DDX19B: variants seen among roughly 807,000 people sequenced by gnomAD.
The protein encoded by DDX19B is DEAD-box helicase 19B, also known as ATP-dependent RNA helicase DDX19B.
Under a neutral mutation model 58.1 loss-of-function variants are expected in DDX19B, and 27 were observed. That is an observed-to-expected ratio of 0.46 (90% confidence interval 0.34 to 0.64). The LOEUF is 0.64. Ranked by LOEUF, DDX19B falls within the 30% of genes least tolerant of loss-of-function variation. The probability of loss-of-function intolerance (pLI) is 0.01; values close to 1 mark genes in which losing one functional copy is unlikely to be tolerated. For synonymous variants in DDX19B, 187 were observed against 214.4 expected (o/e 0.87, Z 1.12); for missense variants, 399 against 596.5 (o/e 0.67, Z 3.45).
upstream of DDX19B, among the ~76,000 whole-genome samples, chr16:70,295,602 G>A (rs1961189316): frequency 6.6e-6 from 1 of 152,020 alleles, no homozygotes; most frequent in African/African-American, 2.4e-5. Flanking sequence ...ATGAGTATAC[G>A]GAGATTATCA....
At chr16:70,312,275 A>G (rs1962133598) in intron 1 of DDX19B, among the ~76,000 whole-genome samples, 1 of 152,170 alleles carries the variant, frequency 6.6e-6, no homozygotes, top group Admixed American at 6.6e-5. Flanking sequence ...CACACAAAAG[A>G]AATATGAGAG....
intron 8 of DDX19B, among the ~76,000 whole-genome samples, 170 bp downstream of exon 8, chr16:70,329,639 C>G (rs1221610288): frequency 6.6e-6 from 1 of 152,146 alleles, no homozygotes; most frequent in Non-Finnish European, 1.5e-5. Flanking sequence ...CCCTCCCAGC[C>G]TGGGTTGAGA....
At chr16:70,315,745 G>A in intron 3 of DDX19B, 1 of 504,830 alleles carries the variant, frequency 2.0e-6, no homozygotes, top group Non-Finnish European at 3.3e-6. Context: ...AAAGAGGGCT[G>A]TTAGAATAGA....
chr16:70,300,840 C>T (rs1035928767), intron 1 of DDX19B, among the ~76,000 whole-genome samples: 2 of 152,138 alleles, frequency 1.3e-5, no homozygotes, highest in Non-Finnish European at 2.9e-5. Flanking sequence ...CTTTACTTTT[C>T]TATAAAATTT....
chr16:70,293,597 ATTTTTTTTTTT>A (rs71151182), upstream of DDX19B, among the ~76,000 whole-genome samples: 1 of 77,024 alleles, frequency 1.3e-5, no homozygotes, highest in South Asian at 4.2e-4. Flanking sequence ...GGATGGCTGA[ATTTTTTTTTTT>A]TTTTTTTTTT....
upstream of DDX19B, among the ~76,000 whole-genome samples, chr16:70,295,580 T>C (rs1961188636): frequency 6.6e-6 from 1 of 152,178 alleles, no homozygotes; most frequent in Admixed American, 6.6e-5. Context: ...GCATAGCTGC[T>C]GTCTTCCTGG....
At position 70,322,125 on chromosome 16, in the gene DDX19B, G is replaced by A. The variant is rs187839621; in HGVS notation, c.390-2460G>A. ...ATTTGGGAGGCCAAGGCAGGCAGAT[G>A]GCTTGAGCCCAGGAGTTTGAGACCA... On this transcript the variant is annotated intron_variant, in intron 5 of 11. Coordinates refer to ENST00000288071, the MANE Select transcript of DDX19B (RefSeq NM_007242.7). 9.3e-3 allele frequency among the ~76,000 whole-genome samples: 1,422 copies of A among 152,132 alleles called. 9 individuals carry two copies. The highest frequency in any genetic ancestry group is 0.024 in the Middle Eastern group (7 of 294).
rs1036603693 is a variant in DDX19B at position 70,311,527 on chromosome 16, C to A, written c.58-1082C>A. Among the ~76,000 whole-genome samples the A allele has an allele frequency of 1.1e-4, 16 of 152,176 alleles. 1 individual carries two copies. Among genetic ancestry groups the A allele is most frequent in the South Asian group, 6.2e-4 (3 of 4,830 alleles). On this transcript the variant is annotated intron_variant, in intron 1 of 11. Coordinates refer to ENST00000288071, the MANE Select transcript of DDX19B (RefSeq NM_007242.7). ...AAGGAGCAGTAGAAAACGAAATAGG[C>A]CCTGTCAGGAAGGTATTTGCATTCT...
chr16:70,314,946 G>A lies in DDX19B; in HGVS notation c.151G>A (p.Glu51Lys), dbSNP rs529853401. 6.2e-7 allele frequency: 1 copy of A among 1,608,946 alleles called. No individual in the cohort carries two copies. Among genetic ancestry groups the A allele is most frequent in the East Asian group, 2.2e-5 (1 of 44,670 alleles). The change falls in exon 3 of 12, where the codon GAA (glutamate) becomes AAA (lysine). Residue 51 changes from glutamate (E) to lysine (K), a missense_variant. By Grantham distance (56) the Glu-to-Lys change is moderately conservative (BLOSUM62 1). Around this residue, in one of 4 missense-constraint regions of DDX19B, gnomAD observed 132 missense variants for 159.4 expected, o/e 0.83. Transcript: ENST00000288071. Reference sequence around the variant, plus strand: ...TGCCAATGCAGAGAAGACAGATGAAGAAGAGAAAGGTAACACAGCCGTGGA... The same window carrying A: ...TGCCAATGCAGAGAAGACAGATGAAAAAGAGAAAGGTAACACAGCCGTGGA... ...TNANAEKTDE[E>K]EKEDRAAQSL...
At chr16:70,316,358 C>T (rs1010818627) in intron 4 of DDX19B, among the ~76,000 whole-genome samples, 7 of 151,996 alleles carry the variant, frequency 4.6e-5, no homozygotes, top group African/African-American at 1.4e-4. Flanking sequence ...TACAGGTGCA[C>T]ACCACCACGC....
upstream of DDX19B, among the ~76,000 whole-genome samples, chr16:70,295,466 G>C (rs992890469): frequency 2.8e-5 from 4 of 145,212 alleles, no homozygotes; most frequent in Non-Finnish European, 6.0e-5. Flanking sequence ...TTTTTTTTTT[G>C]GTAGAGACGG....
At chr16:70,320,814 C>T (rs1962746087) in intron 5 of DDX19B, among the ~76,000 whole-genome samples, 1 of 151,838 alleles carries the variant, frequency 6.6e-6, no homozygotes, top group Non-Finnish European at 1.5e-5. Context: ...GCCTTGGCCT[C>T]CCAAAGTGCT....
At chr16:70,333,284 C>T in intron 11 of DDX19B, 125 bp downstream of exon 11, 4 of 856,422 alleles carry the variant, frequency 4.7e-6, no homozygotes, top group Non-Finnish European at 7.2e-6. Context: ...TCCTTTCTGA[C>T]CATATGGCAG....
intron 1 of DDX19B, among the ~76,000 whole-genome samples, chr16:70,304,132 C>T (rs1052230601): frequency 6.6e-6 from 1 of 151,274 alleles, no homozygotes; most frequent in Non-Finnish European, 1.5e-5. Flanking sequence ...CCCTCGCCTC[C>T]GGGGTTCAAG....
At chr16:70,314,570 A>T (rs1484858694) in intron 2 of DDX19B, among the ~76,000 whole-genome samples, 3 of 152,074 alleles carry the variant, frequency 2.0e-5, no homozygotes, top group African/African-American at 7.2e-5. Flanking sequence ...AGGCTGAGGC[A>T]AGAGAATGGC....
rs1567620916 is a variant in DDX19B, at chr16:70,299,356, TG to T, written c.57+3del. ...GAGCAGGAAGCTGCGGCTGAGTCGG[TG>T]AGTTGGCTTCAGCCCTAAAAGGGTC... is the stretch of plus-strand genomic sequence containing the variant. On this transcript the variant is annotated splice_donor_region_variant and intron_variant, in intron 1 of 11. Transcript: ENST00000288071. 6.2e-7 allele frequency: 1 copy of T among 1,606,370 alleles called. No homozygotes were observed. Among genetic ancestry groups the T allele is most frequent in the African/African-American group, 1.3e-5 (1 of 74,596 alleles).
intron 1 of DDX19B, among the ~76,000 whole-genome samples, chr16:70,306,597 G>A (rs1263101742): frequency 6.6e-6 from 1 of 152,104 alleles, no homozygotes; most frequent in Non-Finnish European, 1.5e-5. Flanking sequence ...TCATAATAAT[G>A]AATCCAGTGA....
intron 5 of DDX19B, among the ~76,000 whole-genome samples, chr16:70,318,771 G>A (rs1962586311): frequency 6.8e-6 from 1 of 147,104 alleles, no homozygotes; most frequent in Non-Finnish European, 1.5e-5. Context: ...ACTCCAGCCT[G>A]GGCAACAAAA....
In DDX19B at chr16:70,329,859, C is replaced by CT. The variant is rs772048343; in HGVS notation, c.818dup (p.Ser274LeufsTer5). On this transcript the variant is annotated frameshift_variant, in exon 9 of 12. Transcript: ENST00000288071. LOFTEE classifies it high-confidence loss of function. ...GCTGCCCAGGAACTGCCAGATGCTGCTTTTCTCCGCCACCTTTGAAGACTC... is the reference window on the plus strand; with the variant it reads ...GCTGCCCAGGAACTGCCAGATGCTGCTTTTTCTCCGCCACCTTTGAAGACTC... The CT allele has an allele frequency of 2.5e-6, 4 of 1,614,110 alleles. No individual in the cohort carries two copies. Among genetic ancestry groups the CT allele is most frequent in the Non-Finnish European group, 2.5e-6 (3 of 1,180,058 alleles).
Sources: gnomAD v4.1 joint callset for allele counts (sites outside exome capture counted in the v4.1 genomes callset) on GRCh38, gnomAD v4.1.1 for gene constraint, gnomAD v4.1.1 regional missense constraint, MANE v1.5 for transcripts, NCBI Gene and HGNC (gene_info 2026-07-23, HGNC 2026-07-21) for gene names.